CSMD1: variants seen among roughly 807,000 people sequenced by gnomAD.
CSMD1 encodes the protein CUB and sushi domain-containing protein 1.
CSMD1 carries 213 observed loss-of-function variants against 417.5 expected under a neutral mutation model. The observed-to-expected ratio is 0.51, with a 90% CI of 0.46 to 0.57. The LOEUF (loss-of-function observed/expected upper bound fraction) is 0.57. Among genes scored for constraint, CSMD1 ranks in the 20% least tolerant of loss-of-function variants. CSMD1 has a pLI of 0.00. For synonymous variants in CSMD1, 2,862 were observed against 1,736.8 expected (o/e 1.65, Z -16.11); for missense variants, 6,923 against 4,529.7 (o/e 1.53, Z -15.17).
intron 2 of CSMD1, among the ~76,000 whole-genome samples, chr8:4,507,283 A>T (rs975130582): frequency 6.6e-6 from 1 of 152,220 alleles, no homozygotes; most frequent in Non-Finnish European, 1.5e-5. Context: ...AACTATTTTC[A>T]TTAAATTCTA....
At chr8:3,104,046 A>C (rs1470061074) in intron 46 of CSMD1, among the ~76,000 whole-genome samples, 1 of 151,918 alleles carries the variant, frequency 6.6e-6, no homozygotes, top group Non-Finnish European at 1.5e-5. Context: ...CCTGACCAAA[A>C]TTCCCTGTTT....
chr8:4,567,443 C>T (rs535121553), intron 2 of CSMD1, among the ~76,000 whole-genome samples: 1 of 152,128 alleles, frequency 6.6e-6, no homozygotes, highest in South Asian at 2.1e-4. Flanking sequence ...TTTCCTACCT[C>T]GTCTCTTTTC....
intron 2 of CSMD1, among the ~76,000 whole-genome samples, chr8:4,459,144 C>T (rs1799659780): frequency 6.6e-6 from 1 of 152,360 alleles, no homozygotes; most frequent in Middle Eastern, 3.4e-3. Flanking sequence ...TTCTCATCCT[C>T]ACAAGCTTCA....
chr8:4,358,341 G>C (rs1801552402), intron 3 of CSMD1, among the ~76,000 whole-genome samples: 1 of 152,198 alleles, frequency 6.6e-6, no homozygotes, highest in Non-Finnish European at 1.5e-5. Flanking sequence ...TAAGGCCCAT[G>C]AGCTTAGAAT....
chr8:3,043,546 C>A (rs976873223), intron 50 of CSMD1, among the ~76,000 whole-genome samples: 23 of 151,938 alleles, frequency 1.5e-4, no homozygotes, highest in Non-Finnish European at 2.9e-5. Context: ...CCTCATGGTG[C>A]CCAGCATAGA....
At chr8:3,115,943 T>C (rs184017994) in intron 42 of CSMD1, among the ~76,000 whole-genome samples, 182 of 152,310 alleles carry the variant, frequency 1.2e-3, no homozygotes, top group African/African-American at 4.1e-3. Context: ...ATCACTGACC[T>C]GAAATGATAA....
chr8:4,073,161 T>C (rs1272363668), intron 3 of CSMD1, among the ~76,000 whole-genome samples: 3 of 152,168 alleles, frequency 2.0e-5, no homozygotes, highest in Non-Finnish European at 4.4e-5. Context: ...ATTTCACTTT[T>C]AGAAAAAATC....
At chr8:3,047,503 G>C (rs182686263) in intron 50 of CSMD1, among the ~76,000 whole-genome samples, 9 of 152,284 alleles carry the variant, frequency 5.9e-5, no homozygotes, top group Admixed American at 3.9e-4. Context: ...CGCTCAGTGA[G>C]GGGTTGCGAG....
chr8:4,300,126 T>G (rs1797900393), intron 3 of CSMD1, among the ~76,000 whole-genome samples: 1 of 152,180 alleles, frequency 6.6e-6, no homozygotes, highest in Non-Finnish European at 1.5e-5. Context: ...ATCAGCTGAG[T>G]GCTTTTGACT....
chr8:3,891,937 A>G (rs947090725), intron 5 of CSMD1, among the ~76,000 whole-genome samples: 2 of 152,184 alleles, frequency 1.3e-5, no homozygotes, highest in African/African-American at 4.8e-5. Flanking sequence ...TCTTAAGAGC[A>G]AAATGAACAT....
At chr8:4,865,527 A>C (rs1356300577) in intron 1 of CSMD1, among the ~76,000 whole-genome samples, 1 of 151,940 alleles carries the variant, frequency 6.6e-6, no homozygotes, top group Non-Finnish European at 1.5e-5. Context: ...TATATTAGAA[A>C]ATCACTTGGA....
At chr8:3,381,631 C>G (rs1810632769) in intron 18 of CSMD1, among the ~76,000 whole-genome samples, 1 of 151,994 alleles carries the variant, frequency 6.6e-6, no homozygotes, top group South Asian at 2.1e-4. Flanking sequence ...TATAATTAGC[C>G]AGTAGTTATC....
At chr8:4,469,692 A>C (rs796465451) in intron 2 of CSMD1, among the ~76,000 whole-genome samples, 7 of 152,184 alleles carry the variant, frequency 4.6e-5, no homozygotes, top group African/African-American at 1.7e-4. Flanking sequence ...TTGTCATCAC[A>C]GGCCTAACGT....
At position 3,892,899 on chromosome 8, in the gene CSMD1, G is replaced by A. The variant is rs1449053292; in HGVS notation, c.818+105004C>T. On this transcript the variant is annotated intron_variant, in intron 5 of 69. Coordinates refer to ENST00000635120, the MANE Select transcript of CSMD1 (RefSeq NM_033225.6). The stretch of plus-strand genomic sequence containing the variant: ...AGTGGAGAGGATGGCAAGCGTTGAT[G>A]TGGACAGAGCAAGAGGCCTCTCTGT... Among the ~76,000 whole-genome samples, 8 of 151,884 alleles carry A rather than the reference G, an allele frequency of 5.3e-5. No homozygotes were observed. In the South Asian group the frequency reaches 1.3e-3, roughly 24 times the overall value.
chr8:3,969,545 A>G (rs1260882075), intron 5 of CSMD1, among the ~76,000 whole-genome samples: 4 of 152,196 alleles, frequency 2.6e-5, no homozygotes, highest in African/African-American at 9.7e-5. Context: ...TAAAATGAAA[A>G]TAAAATCCAC....
At chr8:4,034,291 A>G (rs577036190) in intron 3 of CSMD1, among the ~76,000 whole-genome samples, 3 of 152,332 alleles carry the variant, frequency 2.0e-5, no homozygotes, top group African/African-American at 7.2e-5. Flanking sequence ...GATATTGAAT[A>G]TTATTGACAT....
chr8:4,017,691 A>G (rs1171005040), intron 4 of CSMD1, among the ~76,000 whole-genome samples: 2 of 152,098 alleles, frequency 1.3e-5, no homozygotes, highest in Non-Finnish European at 2.9e-5. Context: ...GACTTCAAAA[A>G]CTGCATGGTC....
intron 5 of CSMD1, among the ~76,000 whole-genome samples, chr8:3,763,443 C>G (rs1798115796): frequency 1.3e-5 from 2 of 151,986 alleles, no homozygotes; most frequent in South Asian, 4.2e-4. Flanking sequence ...TTTAAAAGAG[C>G]CTAGCACTCC....
At chr8:4,628,766 G>C (rs1802320190) in intron 2 of CSMD1, among the ~76,000 whole-genome samples, 1 of 152,070 alleles carries the variant, frequency 6.6e-6, no homozygotes. Context: ...CCTTGGAGGA[G>C]CTTCCCACAG....
Sources: allele counts gnomAD v4.1 joint callset (sites outside exome capture counted in the v4.1 genomes callset), GRCh38; gene constraint gnomAD v4.1.1; transcripts MANE v1.5; gene names NCBI Gene and HGNC (gene_info 2026-07-23, HGNC 2026-07-21).